ITGB7: variants seen among roughly 807,000 people sequenced by gnomAD.
ITGB7 encodes integrin beta-7.
Under a neutral mutation model 83.4 loss-of-function variants are expected in ITGB7, and 55 were observed. The ratio of observed to expected loss-of-function variants is 0.66; its 90% CI spans 0.53 to 0.83. The LOEUF (loss-of-function observed/expected upper bound fraction) is 0.83. Among genes scored for constraint, ITGB7 ranks in the 40% least tolerant of loss-of-function variants. The probability of loss-of-function intolerance (pLI) is 0.00; values close to 1 mark genes in which losing one functional copy is unlikely to be tolerated. For synonymous variants in ITGB7, 454 were observed against 423.6 expected, an observed-to-expected ratio of 1.07 and a Z score of -0.88; for missense variants, 921 against 1,046.7, an observed-to-expected ratio of 0.88 and a Z score of 1.66.
At chr12:53,195,827 G>C (rs1942143500) in intron 7 of ITGB7, 106 bp from the exon 8 acceptor site, 1 of 1,075,460 alleles carries the variant, frequency 9.3e-7, no homozygotes, top group East Asian at 2.4e-5. Flanking sequence ...CCAGCTGGAG[G>C]AGCCCTGGAG....
intron 9 of ITGB7, 104 bp downstream of exon 9, chr12:53,195,269 CA>C: frequency 2.5e-6 from 2 of 796,022 alleles, no homozygotes; most frequent in Non-Finnish European, 4.4e-6. Flanking sequence ...AATGTTAGAC[CA>C]AAAAGTGACC....
Position 53,197,918 on chromosome 12 carries a change from G to T in ITGB7, c.235C>A (p.Arg79Ser). Residue 79 changes from arginine (R) to serine (S), a missense_variant, in exon 4 of 16, where the codon CGC (arginine) becomes AGC (serine). By Grantham distance (110) the Arg-to-Ser change is moderately radical. Transcript: ENST00000267082. ...FTASGEAEAR[R>S]CARREELLAR... Reference sequence around the variant, plus strand: ...AGCAGCTCCTCTCGTCGGGCGCAGCGCCGCGCCTCCGCCTCTCCCGACGCG... The same window carrying T: ...AGCAGCTCCTCTCGTCGGGCGCAGCTCCGCGCCTCCGCCTCTCCCGACGCG... The T allele has an allele frequency of 6.5e-7, 1 of 1,544,426 alleles. No homozygotes were observed. The highest frequency in any genetic ancestry group is 1.9e-5 in the Admixed American group (1 of 52,530).
At chr12:53,200,024 C>G (rs1287968608) in intron 3 of ITGB7, among the ~76,000 whole-genome samples, 1 of 152,130 alleles carries the variant, frequency 6.6e-6, no homozygotes, top group Non-Finnish European at 1.5e-5. Context: ...CAGACATAAT[C>G]CTAAGTGCAC....
chr12:53,194,188 T>C lies in ITGB7; in HGVS notation c.1308+10A>G. ...CTGCCCGCCTTCTGCCTGTGCTTGCTGGCTCTCACCGTCTGGTTGATTCGG... is the reference window on the plus strand; with the variant it reads ...CTGCCCGCCTTCTGCCTGTGCTTGCCGGCTCTCACCGTCTGGTTGATTCGG... On this transcript the variant is annotated intron_variant, in intron 10 of 15. Transcript: ENST00000267082. 6.2e-7 allele frequency: 1 copy of C among 1,614,098 alleles called. No homozygotes were observed.
chr12:53,197,765 C>T lies in ITGB7; in HGVS notation c.388G>A (p.Val130Ile), dbSNP rs1428136987. The stretch of plus-strand genomic sequence containing the variant: ...CCTAACTCACCAGGCCGCAGCGTGA[C>T]CCGGACCCGCTGCGGCGCCAGCTGG... ...ATQLAPQRVR[V>I]TLRPGEPQQL... is the part of the protein sequence containing the mutation. The change falls in exon 4 of 16, where the codon GTC becomes ATC. Residue 130 changes from valine to isoleucine, a missense_variant. Physicochemically the swap from Val to Ile is conservative, Grantham distance 29. Coordinates refer to ENST00000267082, the MANE Select transcript of ITGB7 (RefSeq NM_000889.3). 1 of 1,570,200 alleles carries T rather than the reference C, an allele frequency of 6.4e-7. No individual in the cohort carries two copies. Among genetic ancestry groups the T allele is most frequent in the Admixed American group, 1.8e-5 (1 of 54,388 alleles).
intron 12 of ITGB7, 84 bp downstream of exon 12, chr12:53,193,056 C>A: frequency 7.1e-7 from 1 of 1,405,684 alleles, no homozygotes; most frequent in Non-Finnish European, 9.8e-7. Flanking sequence ...TTGATATTTG[C>A]CTTCCATGCC....
rs1250032343 is a variant in ITGB7 at position 53,191,501 on chromosome 12, C to G, written c.*55G>C. On this transcript the variant is annotated 3_prime_UTR_variant, in exon 16 of 16. Coordinates refer to ENST00000267082, the MANE Select transcript of ITGB7 (RefSeq NM_000889.3). ...ACAGACCCACCCTTCCTCTCACCCT[C>G]CAGTTCCCACTGTCCTCCAAGGAGA... 1.4e-6 allele frequency: 2 copies of G among 1,399,966 alleles called. No individual in the cohort carries two copies. Among genetic ancestry groups the G allele is most frequent in the Non-Finnish European group, 2.0e-6 (2 of 984,946 alleles). 86.7% of individuals were successfully genotyped at this position (1,399,966 alleles called of 1,614,324 possible).
intron 7 of ITGB7, 96 bp downstream of exon 7, chr12:53,195,945 G>A (rs1942146814): frequency 2.1e-6 from 3 of 1,396,636 alleles, no homozygotes; most frequent in Admixed American, 1.8e-5. Flanking sequence ...TCTACAGGGT[G>A]GTTACTGGTG....
At chr12:53,207,122 C>T (rs1015878143) in intron 1 of ITGB7, 80 bp downstream of exon 1, 1 of 152,676 alleles carries the variant, frequency 6.5e-6, no homozygotes. Flanking sequence ...AGGTCAGAGC[C>T]CTCTTCCCAA....
intron 3 of ITGB7, among the ~76,000 whole-genome samples, chr12:53,198,699 T>C (rs1279529956): frequency 6.6e-6 from 1 of 151,596 alleles, no homozygotes; most frequent in Non-Finnish European, 1.5e-5. Flanking sequence ...CTTAGAGACT[T>C]CACTACCACA....
At chr12:53,197,973 G>A (rs1162299349) in intron 3 of ITGB7, 22 bp from the exon 4 acceptor site, 3 of 1,524,708 alleles carry the variant, frequency 2.0e-6, no homozygotes, top group African/African-American at 1.4e-5. Flanking sequence ...GAAAAGGCGC[G>A]TCGGGACCCG....
intron 3 of ITGB7, among the ~76,000 whole-genome samples, chr12:53,199,814 G>C (rs911572426): frequency 4.6e-5 from 7 of 152,096 alleles, no homozygotes; most frequent in African/African-American, 1.7e-4. Flanking sequence ...CCAACATTAG[G>C]AGAAATGAAT....
chr12:53,204,826 T>C (rs931572764), intron 1 of ITGB7, among the ~76,000 whole-genome samples: 10 of 151,230 alleles, frequency 6.6e-5, no homozygotes, highest in Non-Finnish European at 1.3e-4. Context: ...GTTTCTTTTT[T>C]CTTTACCTTT....
chr12:53,205,468 C>T (rs755590939), intron 1 of ITGB7, among the ~76,000 whole-genome samples: 9 of 152,134 alleles, frequency 5.9e-5, no homozygotes, highest in South Asian at 2.1e-4. Context: ...TGATTACAGG[C>T]GTGAGCCATC....
intron 1 of ITGB7, among the ~76,000 whole-genome samples, chr12:53,203,395 C>A (rs1173917597): frequency 6.6e-6 from 1 of 152,008 alleles, no homozygotes; most frequent in East Asian, 1.9e-4. Context: ...CACCTGTAAT[C>A]CTAGCACTTT....
rs917171716 is a variant in ITGB7 at position 53,197,808 on chromosome 12, G to A, written c.345C>T (p.Ala115=). ...VLQDQPLSQG[A]RGEGATQLAP... is the part of the protein sequence containing the mutation. ...CCAGCTGGGTGGCACCCTCTCCGCG[G>A]GCGCCCTGGCTGAGCGGCTGGTCCT... The change falls in exon 4 of 16, where the codon GCC becomes GCT. Residue 115 remains alanine (A), a synonymous_variant. Coordinates refer to ENST00000267082, the MANE Select transcript of ITGB7 (RefSeq NM_000889.3). 9 of 1,540,614 alleles carry A rather than the reference G, an allele frequency of 5.8e-6. No homozygotes were observed. The highest frequency in any genetic ancestry group is 7.8e-6 in the Non-Finnish European group (9 of 1,148,152).
At position 53,199,320 on chromosome 12, in the gene ITGB7, T is replaced by G. The variant is rs535151123; in HGVS notation, c.201+923A>C. ...AAGAGCCAGGGAGACACCTGCTCCC[T>G]AGCATCCTTCTTGGCCACTTAGGTA... On this transcript the variant is annotated intron_variant, in intron 3 of 15. Transcript: ENST00000267082. 1.2e-3 allele frequency among the ~76,000 whole-genome samples: 186 copies of G among 152,286 alleles called. 1 individual carries two copies. The highest frequency in any genetic ancestry group is 2.0e-3 in the Non-Finnish European group (136 of 68,008).
Position 53,197,674 on chromosome 12 carries a change from G to T in ITGB7, c.404-11C>A, listed in dbSNP as rs1040250125. ...GCTGCTGGGGCTCCCCTAGGGGGTGGGCGGCGGGCGGGTCAGCAGAGCGCA... is the reference window on the plus strand; with the variant it reads ...GCTGCTGGGGCTCCCCTAGGGGGTGTGCGGCGGGCGGGTCAGCAGAGCGCA... On this transcript the variant is annotated splice_polypyrimidine_tract_variant and intron_variant, in intron 4 of 15. Transcript: ENST00000267082. 2 of 1,612,422 alleles carry T rather than the reference G, an allele frequency of 1.2e-6. No homozygotes were observed. The highest frequency in any genetic ancestry group is 1.7e-6 in the Non-Finnish European group (2 of 1,179,332).
At chr12:53,199,681 T>G (rs1942276404) in intron 3 of ITGB7, among the ~76,000 whole-genome samples, 1 of 135,242 alleles carries the variant, frequency 7.4e-6, no homozygotes, top group African/African-American at 2.7e-5. Context: ...CCCACCCCCA[T>G]CCCCCAACCC....
Sources: gnomAD v4.1 joint callset for allele counts (sites outside exome capture counted in the v4.1 genomes callset) on GRCh38, gnomAD v4.1.1 for gene constraint, MANE v1.5 for transcripts, NCBI Gene and HGNC (gene_info 2026-07-23, HGNC 2026-07-21) for gene names.